The following COL24A1 variants were observed in gnomAD, a reference collection of about 807,000 sequenced individuals.
The protein encoded by COL24A1 is collagen type XXIV alpha 1 chain, also known as collagen alpha-1(XXIV) chain.
In COL24A1, 224 loss-of-function variants were observed where a neutral mutation model predicts 253.9. That is an observed-to-expected ratio of 0.88 (90% CI 0.79 to 0.99). The LOEUF (loss-of-function observed/expected upper bound fraction) is 0.99, where lower values mean the gene tolerates loss of function less well. COL24A1 is among the 50% of genes least tolerant of loss of function. COL24A1 has a pLI of 0.00. For synonymous variants in COL24A1, 685 were observed against 673.7 expected (o/e 1.02, Z -0.26); for missense variants, 2,131 against 2,068.5 (o/e 1.03, Z -0.59).
chr1:85,907,739 G>A (rs1684976773), intron 27 of COL24A1, among the ~76,000 whole-genome samples: 1 of 151,702 alleles, frequency 6.6e-6, no homozygotes, highest in Admixed American at 6.6e-5. Flanking sequence ...GCCTGCAATG[G>A]AGATTAAGTT....
chr1:85,892,828 T>G (rs1288125160), intron 31 of COL24A1, among the ~76,000 whole-genome samples: 1 of 152,026 alleles, frequency 6.6e-6, no homozygotes, highest in African/African-American at 2.4e-5. Context: ...TGCTGTCCCT[T>G]GACCTAGAAT....
At chr1:85,735,045 C>G in intron 58 of COL24A1, 81 bp from the exon 59 acceptor site, 1 of 1,336,510 alleles carries the variant, frequency 7.5e-7, no homozygotes, top group East Asian at 2.5e-5. Flanking sequence ...AGGAAAAGTC[C>G]TTCAAAGGCA....
intron 11 of COL24A1, among the ~76,000 whole-genome samples, chr1:86,048,981 G>A (rs548437699): frequency 6.6e-6 from 1 of 152,302 alleles, no homozygotes; most frequent in South Asian, 2.1e-4. Context: ...ATCAGAAAAG[G>A]ATTGTTATCA....
chr1:85,783,396 A>G (rs1410186200), intron 51 of COL24A1, 100 bp downstream of exon 51: 2 of 931,550 alleles, frequency 2.1e-6, no homozygotes, highest in South Asian at 1.8e-5. Flanking sequence ...AAGTCATTTC[A>G]TTAAGTTATT....
chr1:85,801,249 T>C (rs1671396269), intron 47 of COL24A1, among the ~76,000 whole-genome samples: 1 of 152,176 alleles, frequency 6.6e-6, no homozygotes. Context: ...TTTTCTTTCA[T>C]TTGCTCCCCA....
intron 3 of COL24A1, among the ~76,000 whole-genome samples, chr1:86,123,192 C>T (rs1039193164): frequency 2.0e-5 from 3 of 151,784 alleles, no homozygotes; most frequent in African/African-American, 7.3e-5. Flanking sequence ...AGCTATTATG[C>T]TATCATAAAA....
At chr1:85,924,272 A>G (rs2103034787) in intron 24 of COL24A1, among the ~76,000 whole-genome samples, 1 of 152,346 alleles carries the variant, frequency 6.6e-6, no homozygotes, top group South Asian at 2.1e-4. Context: ...TCCTTCTGAA[A>G]CTATTCCAAG....
Position 86,112,572 on chromosome 1 carries a change from G to A in COL24A1, c.1594C>T (p.Pro532Ser), listed in dbSNP as rs1256350237. 6.2e-7 allele frequency: 1 copy of A among 1,612,664 alleles called. No individual in the cohort carries two copies. Among genetic ancestry groups the A allele is most frequent in the Admixed American group, 1.7e-5 (1 of 59,972 alleles). ...CCTGATTAGTAGTCACTTACCTTTG[G>A]ACCAGGTAATCCAGGTAAACCAGGA... ...GNPGLPGLPG[P>S]KGPKGDPGFS... Residue 532 changes from proline (P) to serine (S), a missense_variant, in exon 5 of 60, where the codon CCA (proline) becomes TCA (serine). Pro to Ser is a moderately conservative substitution (Grantham distance 74). Coordinates refer to ENST00000370571, the MANE Select transcript of COL24A1 (RefSeq NM_152890.7).
At chr1:86,013,744 G>A (rs1473975906) in intron 19 of COL24A1, among the ~76,000 whole-genome samples, 1 of 152,144 alleles carries the variant, frequency 6.6e-6, no homozygotes, top group African/African-American at 2.4e-5. Flanking sequence ...GCTGAGGCAG[G>A]AGAATCGCTT....
intron 47 of COL24A1, among the ~76,000 whole-genome samples, chr1:85,787,784 T>C (rs1669838744): frequency 6.6e-6 from 1 of 152,126 alleles, no homozygotes. Context: ...TTTGGTTCCT[T>C]AAGGTCTTCG....
At chr1:85,892,058 A>G (rs11588668) in intron 31 of COL24A1, among the ~76,000 whole-genome samples, 8,292 of 152,240 alleles carry the variant, frequency 0.054, 537 homozygotes, top group Admixed American at 0.19. Flanking sequence ...ATCATTTGTT[A>G]TACATTTATT....
At chr1:85,782,332 C>T (rs1669225978) in intron 51 of COL24A1, among the ~76,000 whole-genome samples, 1 of 152,220 alleles carries the variant, frequency 6.6e-6, no homozygotes, top group Non-Finnish European at 1.5e-5. Context: ...AAGCAATCCA[C>T]CCGCCTTGGC....
intron 47 of COL24A1, among the ~76,000 whole-genome samples, chr1:85,799,879 A>C (rs1219061205): frequency 6.6e-6 from 1 of 152,220 alleles, no homozygotes; most frequent in Non-Finnish European, 1.5e-5. Context: ...TCTGGTAGTT[A>C]ATTGCTTGCT....
intron 2 of COL24A1, among the ~76,000 whole-genome samples, chr1:86,131,487 T>C (rs188576377): frequency 4.0e-5 from 6 of 151,706 alleles, no homozygotes; most frequent in Non-Finnish European, 7.4e-5. Flanking sequence ...ACATTAGGTA[T>C]GTCTCCTAAT....
At chr1:86,002,550 T>A (rs982535512) in intron 19 of COL24A1, among the ~76,000 whole-genome samples, 2 of 152,222 alleles carry the variant, frequency 1.3e-5, no homozygotes, top group African/African-American at 4.8e-5. Flanking sequence ...CCTGCCTCTG[T>A]CATATGATAC....
At chr1:86,056,568 A>T (rs1342143499) in intron 10 of COL24A1, among the ~76,000 whole-genome samples, 1 of 152,142 alleles carries the variant, frequency 6.6e-6, no homozygotes, top group African/African-American at 2.4e-5. Context: ...TTTAAAAGGC[A>T]TGTTAGGCCG....
intron 5 of COL24A1, among the ~76,000 whole-genome samples, chr1:86,102,855 G>C (rs1317928857): frequency 9.9e-5 from 15 of 152,168 alleles, no homozygotes; most frequent in Non-Finnish European, 4.4e-5. Flanking sequence ...TGTATATTCT[G>C]TTGTTTTGGG....
chr1:85,801,459 A>G (rs1194107559), intron 47 of COL24A1, among the ~76,000 whole-genome samples: 1 of 152,176 alleles, frequency 6.6e-6, no homozygotes, highest in Non-Finnish European at 1.5e-5. Context: ...TTGGCATTCC[A>G]TAAGTGGTTG....
chr1:86,120,480 AG>A (rs1706634930), intron 3 of COL24A1, among the ~76,000 whole-genome samples: 1 of 152,242 alleles, frequency 6.6e-6, no homozygotes, highest in Non-Finnish European at 1.5e-5. Context: ...AAGTGGGCAA[AG>A]GATATGAACA....
Sources: allele counts gnomAD v4.1 joint callset (sites outside exome capture counted in the v4.1 genomes callset), GRCh38; gene constraint gnomAD v4.1.1; transcripts MANE v1.5; gene names NCBI Gene and HGNC (gene_info 2026-07-23, HGNC 2026-07-21).